The following EPB41L4A variants were observed in gnomAD, a reference collection of about 807,000 sequenced individuals.
The protein encoded by EPB41L4A is erythrocyte membrane protein band 4.1 like 4A, also known as band 4.1-like protein 4A.
A neutral mutation model predicts 108.6 loss-of-function variants in EPB41L4A; 100 were observed. The ratio of observed to expected loss-of-function variants is 0.92; its 90% confidence interval spans 0.78 to 1.09. The LOEUF (loss-of-function observed/expected upper bound fraction) is 1.09, where lower values mean the gene tolerates loss of function less well. EPB41L4A is among the 50% of genes least tolerant of loss of function. The pLI is 0.00. For missense variants in EPB41L4A, 1,030 were observed against 842.7 expected (o/e 1.22, Z -2.75); for synonymous variants, 319 against 289.0 (o/e 1.10, Z -1.05).
intron 1 of EPB41L4A, among the ~76,000 whole-genome samples, chr5:112,324,720 T>TAAA (rs60242363): frequency 2.9e-5 from 3 of 101,754 alleles, no homozygotes; most frequent in African/African-American, 7.2e-5. Flanking sequence ...AGAGTCTGTC[T>TAAA]AAAAAAAAAA....
chr5:112,246,936 C>T (rs1419556607), intron 9 of EPB41L4A, among the ~76,000 whole-genome samples: 1 of 152,198 alleles, frequency 6.6e-6, no homozygotes, highest in Non-Finnish European at 1.5e-5. Context: ...AAGGCATAGA[C>T]CTGTCTCCCT....
intron 1 of EPB41L4A, among the ~76,000 whole-genome samples, chr5:112,390,811 C>T (rs1760886606): frequency 6.6e-6 from 1 of 152,184 alleles, no homozygotes; most frequent in Non-Finnish European, 1.5e-5. Context: ...CAACTGACAC[C>T]TCATACAGCT....
intron 18 of EPB41L4A, among the ~76,000 whole-genome samples, chr5:112,177,644 C>T (rs1474285470): frequency 1.3e-5 from 2 of 152,082 alleles, no homozygotes; most frequent in African/African-American, 4.8e-5. Flanking sequence ...TAATACGAGG[C>T]TTCTAACAGG....
chr5:112,159,003 T>C (rs1418027780), downstream of EPB41L4A, among the ~76,000 whole-genome samples: 1 of 152,202 alleles, frequency 6.6e-6, no homozygotes, highest in Non-Finnish European at 1.5e-5. Flanking sequence ...CAAACTTCCT[T>C]TTGCCCCAGA....
At chr5:112,209,547 T>C (rs965579158) in intron 13 of EPB41L4A, among the ~76,000 whole-genome samples, 2 of 152,224 alleles carry the variant, frequency 1.3e-5, no homozygotes, top group African/African-American at 4.8e-5. Context: ...AACATGAATA[T>C]CATCTACTTT....
chr5:112,414,725 T>C (rs1308037338), intron 1 of EPB41L4A, among the ~76,000 whole-genome samples: 1 of 152,208 alleles, frequency 6.6e-6, no homozygotes, highest in African/African-American at 2.4e-5. Context: ...ATTCAAGTCA[T>C]GGATGATAAA....
intron 1 of EPB41L4A, among the ~76,000 whole-genome samples, chr5:112,385,025 G>A (rs1283202861): frequency 3.9e-5 from 6 of 152,170 alleles, no homozygotes; most frequent in Non-Finnish European, 5.9e-5. Flanking sequence ...GAAGTAGCCC[G>A]GGTGACCCTT....
chr5:112,247,305 G>T (rs1244877523), intron 9 of EPB41L4A, among the ~76,000 whole-genome samples: 1 of 152,126 alleles, frequency 6.6e-6, no homozygotes, highest in Non-Finnish European at 1.5e-5. Context: ...GAATGTACAA[G>T]TTATTCATTT....
chr5:112,316,506 C>T (rs192687313), intron 1 of EPB41L4A, among the ~76,000 whole-genome samples: 1 of 152,152 alleles, frequency 6.6e-6, no homozygotes, highest in Non-Finnish European at 1.5e-5. Flanking sequence ...GCACTGTTCA[C>T]CCCCATTGTC....
rs546531535 is a variant in EPB41L4A at position 112,399,073 on chromosome 5, C to G, written c.99+19868G>C. Among the ~76,000 whole-genome samples the G allele has an allele frequency of 2.6e-5, 4 of 152,214 alleles. No individual in the cohort carries two copies. The South Asian group carries it at 8.3e-4, about 32-fold the overall frequency. ...CGGAGCGGTGAATCCATCACCCTCG[C>G]CAAAATCAAACCATCTAAACCACCC... On this transcript the variant is annotated intron_variant, in intron 1 of 22. Coordinates refer to ENST00000261486, the MANE Select transcript of EPB41L4A (RefSeq NM_022140.5).
At chr5:112,375,982 TG>T (rs1308735955) in intron 1 of EPB41L4A, among the ~76,000 whole-genome samples, 1 of 152,180 alleles carries the variant, frequency 6.6e-6, no homozygotes, top group Non-Finnish European at 1.5e-5. Flanking sequence ...CCCCAGGGGT[TG>T]GCTTTAATAA....
intron 1 of EPB41L4A, among the ~76,000 whole-genome samples, chr5:112,404,831 C>A (rs1761988715): frequency 6.6e-6 from 1 of 152,176 alleles, no homozygotes; most frequent in Non-Finnish European, 1.5e-5. Context: ...TCCCCAGATC[C>A]CCCGTCTTCC....
chr5:112,186,715 G>T (rs1210413201), intron 17 of EPB41L4A, among the ~76,000 whole-genome samples: 2 of 152,210 alleles, frequency 1.3e-5, no homozygotes, highest in African/African-American at 4.8e-5. Flanking sequence ...GGCCTGTAAT[G>T]AAGTTTGAAA....
chr5:112,384,190 A>C (rs1760349745), intron 1 of EPB41L4A, among the ~76,000 whole-genome samples: 1 of 152,186 alleles, frequency 6.6e-6, no homozygotes, highest in Non-Finnish European at 1.5e-5. Flanking sequence ...ATGGCTGCTC[A>C]ACTCCATGAA....
intron 9 of EPB41L4A, among the ~76,000 whole-genome samples, chr5:112,251,913 A>G (rs1750704182): frequency 6.6e-6 from 1 of 152,192 alleles, no homozygotes; most frequent in Admixed American, 6.5e-5. Flanking sequence ...TGAACATAGT[A>G]TTTGACTCTT....
At chr5:112,196,927 C>T (rs978500101) in intron 15 of EPB41L4A, 14 of 152,172 alleles carry the variant, frequency 9.2e-5, no homozygotes, top group African/African-American at 2.4e-4. Flanking sequence ...TTTCTCCTTC[C>T]GAAGGAAAAA....
chr5:112,172,477 A>G (rs2150207567), intron 18 of EPB41L4A, among the ~76,000 whole-genome samples: 1 of 149,980 alleles, frequency 6.7e-6, no homozygotes, highest in East Asian at 2.0e-4. Context: ...ACACCACTGC[A>G]CTCCAGTCTG....
At chr5:112,240,359 T>C (rs12186685) in intron 10 of EPB41L4A, among the ~76,000 whole-genome samples, 33,691 of 152,156 alleles carry the variant, frequency 0.22, 4,392 homozygotes, top group Non-Finnish European at 0.3. Context: ...CATTTCTACC[T>C]AGATGGCTGA....
intron 12 of EPB41L4A, among the ~76,000 whole-genome samples, chr5:112,153,384 C>A (rs1430789390): frequency 2.0e-5 from 3 of 151,546 alleles, no homozygotes; most frequent in Non-Finnish European, 2.9e-5. Flanking sequence ...AAAAAATTAG[C>A]CTGGCATGGT....
Sources: gnomAD v4.1 joint callset for allele counts (sites outside exome capture counted in the v4.1 genomes callset) on GRCh38, gnomAD v4.1.1 for gene constraint, MANE v1.5 for transcripts, NCBI Gene and HGNC (gene_info 2026-07-23, HGNC 2026-07-21) for gene names.